Variants in KDM1B observed in about 807,000 individuals in gnomAD.
The protein encoded by KDM1B is lysine-specific histone demethylase 2.
A neutral mutation model predicts 107.4 loss-of-function variants in KDM1B; 63 were observed. The observed-to-expected ratio is 0.59, with a 90% CI of 0.48 to 0.72. The LOEUF (loss-of-function observed/expected upper bound fraction) is 0.72, where lower values mean the gene tolerates loss of function less well. Among genes scored for constraint, KDM1B ranks in the 30% least tolerant of loss-of-function variants. The pLI, the probability that KDM1B is intolerant of heterozygous loss-of-function variation, is 0.00. For synonymous variants in KDM1B, 363 were observed against 363.9 expected (o/e 1.00, Z 0.03); for missense variants, 749 against 1,020.8 (o/e 0.73, Z 3.63).
chr6:18,197,672 G>A lies in KDM1B; in HGVS notation c.1221+11G>A, dbSNP rs375697909. On this transcript the variant is annotated intron_variant, in intron 12 of 21. Transcript: ENST00000650836. This position sits in a 1 kb window ranked among gnomAD's most constrained non-coding sequence, Gnocchi z 4.5. ...AACTTTGGAATTAAGGTAGGATTTT[G>A]GGGACATGGAGTTAGAACAGATGGT... 2.5e-5 allele frequency: 41 copies of A among 1,610,366 alleles called. No homozygotes were observed. The highest frequency in any genetic ancestry group is 3.5e-5 in the Non-Finnish European group (41 of 1,176,940).
In KDM1B at chr6:18,214,583, G is replaced by A. The variant is rs1255466796; in HGVS notation, c.2110-424G>A. Among the ~76,000 whole-genome samples the A allele has an allele frequency of 6.6e-6, 1 of 152,174 alleles. No individual in the cohort carries two copies. Among genetic ancestry groups the A allele is most frequent in the Non-Finnish European group, 1.5e-5 (1 of 68,044 alleles). On this transcript the variant is annotated intron_variant, in intron 19 of 21. Coordinates refer to ENST00000650836, the MANE Select transcript of KDM1B (RefSeq NM_001364614.2). The surrounding 1 kb of genome is among the most constrained non-coding windows in gnomAD (Gnocchi z 4.4). The stretch of plus-strand genomic sequence containing the variant: ...ACTGGCGAGTGACGTGCGGATAAGG[G>A]ACAGCCAGAAATAGTGACATTTAAC...
In KDM1B at chr6:18,211,494, T is replaced by C. The variant is rs1788847533; in HGVS notation, c.1867-994T>C. The C allele has an allele frequency of 6.6e-6, 1 of 152,246 alleles. No individual in the cohort carries two copies. The highest frequency in any genetic ancestry group is 1.5e-5 in the Non-Finnish European group (1 of 68,062). The allele number at this position is 152,246 out of a possible 1,614,324, so 9.4% of individuals were successfully genotyped here. On this transcript the variant is annotated intron_variant, in intron 17 of 21. Coordinates refer to ENST00000650836, the MANE Select transcript of KDM1B (RefSeq NM_001364614.2). This position sits in a 1 kb window ranked among gnomAD's most constrained non-coding sequence, Gnocchi z 5.2. ...TGCTGCCTCTGTTGAGAGCACACAA[T>C]GCTGGAGGTGTTTGGTTCTTCTGCA...
intron 6 of KDM1B, among the ~76,000 whole-genome samples, chr6:18,171,111 C>T (rs1168419590): frequency 1.3e-5 from 2 of 152,196 alleles, no homozygotes; most frequent in Non-Finnish European, 2.9e-5. Flanking sequence ...TGAGCCACTG[C>T]ACCTGGCCTA....
rs757827904 is a variant in KDM1B at position 18,162,096 on chromosome 6, G to A, written c.215+642G>A. ...AGCACTTTGAGAGACCAAGATGGGC[G>A]GATCAGTTGAGGTCAGGAGTTCCAG... On this transcript the variant is annotated intron_variant, in intron 4 of 21. Transcript: ENST00000650836. The surrounding 1 kb of genome is among the most constrained non-coding windows in gnomAD (Gnocchi z 4.1). Among the ~76,000 whole-genome samples, 6 of 152,092 alleles carry A rather than the reference G, an allele frequency of 3.9e-5. No individual in the cohort carries two copies. Among genetic ancestry groups the A allele is most frequent in the Non-Finnish European group, 8.8e-5 (6 of 68,014 alleles).
rs757932316 is a variant in KDM1B, at chr6:18,205,931, G to A, written c.1659+267G>A. 3.9e-5 allele frequency among the ~76,000 whole-genome samples: 6 copies of A among 152,126 alleles called. No individual in the cohort carries two copies. The highest frequency in any genetic ancestry group is 7.3e-5 in the Non-Finnish European group (5 of 68,030). ...CGCTTGAACCTGGGAGGCGGAAGTC[G>A]TAGTGAGCTGGGATCGCGCCACTGC... On this transcript the variant is annotated intron_variant, in intron 15 of 21. Coordinates refer to ENST00000650836, the MANE Select transcript of KDM1B (RefSeq NM_001364614.2). The surrounding 1 kb of genome is among the most constrained non-coding windows in gnomAD (Gnocchi z 5.7).
rs1232714937 is a variant in KDM1B at position 18,155,506 on chromosome 6, G to A, written c.-123G>A. The A allele has an allele frequency of 6.5e-6, 1 of 153,428 alleles. No individual in the cohort carries two copies. Among genetic ancestry groups the A allele is most frequent in the African/African-American group, 2.4e-5 (1 of 41,376 alleles). The allele number at this position is 153,428 out of a possible 1,614,324, so 9.5% of individuals were successfully genotyped here. On this transcript the variant is annotated 5_prime_UTR_variant, in exon 1 of 22. Transcript: ENST00000650836. This position sits in a 1 kb window ranked among gnomAD's most constrained non-coding sequence, Gnocchi z 6.2. Reference sequence around the variant, plus strand: ...GCGGCTGCAGCCGTCCTGTGCGCGCGGCGCGCGGCTCCGGAGAGGCGCCCG... The same window carrying A: ...GCGGCTGCAGCCGTCCTGTGCGCGCAGCGCGCGGCTCCGGAGAGGCGCCCG...
At position 18,162,705 on chromosome 6, in the gene KDM1B, C is replaced by G; in HGVS notation, c.216-130C>G. The G allele has an allele frequency of 1.6e-6, 1 of 620,194 alleles. No individual in the cohort carries two copies. The highest frequency in any genetic ancestry group is 2.6e-5 in the Admixed American group (1 of 38,326). The allele number at this position is 620,194 out of a possible 1,614,324, so 38.4% of individuals were successfully genotyped here. A position where few individuals can be genotyped will look rare whatever the true frequency, so the allele number is the denominator to read the frequency against. ...TACTAGTAATCCATTCCTGTTTCCC[C>G]TGTCCTTAAGGGGCTAAGTGGAGAT... On this transcript the variant is annotated intron_variant, in intron 4 of 21. Transcript: ENST00000650836. This position sits in a 1 kb window ranked among gnomAD's most constrained non-coding sequence, Gnocchi z 4.1.
intron 6 of KDM1B, among the ~76,000 whole-genome samples, chr6:18,169,692 C>T (rs74586189): frequency 0.023 from 3,466 of 151,980 alleles, 58 homozygotes; most frequent in Middle Eastern, 0.051. Context: ...TTGGTGTTAC[C>T]GCTTATAATT....
chr6:18,215,031 G>C lies in KDM1B; in HGVS notation c.2134G>C (p.Val712Leu), dbSNP rs771558626. 3 of 1,614,068 alleles carry C rather than the reference G, an allele frequency of 1.9e-6. No homozygotes were observed. The South Asian group carries it at 3.3e-5, about 18-fold the overall frequency. ...PQKKHSVLMS[V>L]IAGEAVASVR... ...GAAGAAGCACAGCGTGCTGATGTCT[G>C]TGATTGCCGGGGAGGCTGTCGCATC... Residue 712 changes from valine (V) to leucine (L), a missense_variant, in exon 20 of 22, where the codon GTG becomes CTG. By Grantham distance (32) the Val-to-Leu change is conservative (BLOSUM62 1). Coordinates refer to ENST00000650836, the MANE Select transcript of KDM1B (RefSeq NM_001364614.2).
intron 20 of KDM1B, 84 bp downstream of exon 20, chr6:18,215,213 C>A: frequency 6.8e-7 from 1 of 1,463,014 alleles, no homozygotes; most frequent in Non-Finnish European, 9.1e-7. Context: ...GCCAGCGTCA[C>A]TGAGAATCAC....
At chr6:18,210,879 G>A (rs899407985) in intron 17 of KDM1B, among the ~76,000 whole-genome samples, 3 of 152,020 alleles carry the variant, frequency 2.0e-5, no homozygotes, top group African/African-American at 7.2e-5. Flanking sequence ...CACACCCATG[G>A]TCCCAGCTAC....
intron 7 of KDM1B, among the ~76,000 whole-genome samples, chr6:18,178,918 T>C (rs1160174825): frequency 6.6e-6 from 1 of 152,208 alleles, no homozygotes; most frequent in East Asian, 1.9e-4. Context: ...TTTCTTGCCT[T>C]ACTACATTGG....
chr6:18,210,871 C>G (rs1333046507), intron 17 of KDM1B, among the ~76,000 whole-genome samples: 1 of 152,046 alleles, frequency 6.6e-6, no homozygotes, highest in Non-Finnish European at 1.5e-5. Flanking sequence ...TCGTGCTGCA[C>G]ACCCATGGTC....
chr6:18,199,918 G>C (rs1479220332), intron 12 of KDM1B, among the ~76,000 whole-genome samples: 2 of 152,068 alleles, frequency 1.3e-5, no homozygotes, highest in Non-Finnish European at 2.9e-5. Context: ...TCACTCTGTT[G>C]CCCAGGCTGG....
At position 18,167,067 on chromosome 6, in the gene KDM1B, A is replaced by G. The variant is rs1027580396; in HGVS notation, c.417+689A>G. On this transcript the variant is annotated intron_variant, in intron 6 of 21. Transcript: ENST00000650836. The stretch of plus-strand genomic sequence containing the variant: ...TTTTGTAATGTTTAGCTTTTTAAAA[A>G]TTAATTTGGGCCAGGGCTGTGGCTC... Among the ~76,000 whole-genome samples the G allele has an allele frequency of 5.3e-5, 8 of 152,018 alleles. 1 individual carries two copies. The highest frequency in any genetic ancestry group is 2.0e-4 in the Admixed American group (3 of 15,238).
Position 18,223,351 on chromosome 6 carries a change from C to T in KDM1B, c.*1359C>T, listed in dbSNP as rs1789929128. 7.5e-6 allele frequency: 1 copy of T among 134,166 alleles called. No individual in the cohort carries two copies. Among genetic ancestry groups the T allele is most frequent in the Non-Finnish European group, 1.6e-5 (1 of 63,426 alleles). 8.3% of individuals were successfully genotyped at this position (134,166 alleles called of 1,614,324 possible). ...CTCCCCCACCGCCCGCCCCCCGCCCCCCCCAATCAAAGTGTGGTCCCAAAA... is the reference window on the plus strand; with the variant it reads ...CTCCCCCACCGCCCGCCCCCCGCCCTCCCCAATCAAAGTGTGGTCCCAAAA... On this transcript the variant is annotated 3_prime_UTR_variant, in exon 22 of 22. Transcript: ENST00000650836.
In KDM1B at chr6:18,161,449, T is replaced by G. The variant is rs561901696; in HGVS notation, c.210T>G (p.Ser70=). The part of the protein sequence containing the change: ...ATCPVCFASA[S]ERCAKNGYTS... ...GTCCTGTGTGCTTTGCAAGTGCTTCTGAAAGGTCTGTTTAGATGTGTGTCT... is the reference window on the plus strand; with the variant it reads ...GTCCTGTGTGCTTTGCAAGTGCTTCGGAAAGGTCTGTTTAGATGTGTGTCT... Residue 70 remains serine, a synonymous_variant, in exon 4 of 22, where the codon TCT becomes TCG. Transcript: ENST00000650836. The G allele has an allele frequency of 7.4e-6, 12 of 1,614,026 alleles. No homozygotes were observed. Among genetic ancestry groups the G allele is most frequent in the Non-Finnish European group, 9.3e-6 (11 of 1,179,976 alleles).
Position 18,197,501 on chromosome 6 carries a change from G to A in KDM1B, c.1147-86G>A, listed in dbSNP as rs185311923. The A allele has an allele frequency of 2.6e-3, 2,690 of 1,048,210 alleles. 4 individuals carry two copies. Among genetic ancestry groups the A allele is most frequent in the Middle Eastern group, 5.7e-3 (28 of 4,910 alleles). The allele number at this position is 1,048,210 out of a possible 1,614,324, so 64.9% of individuals were successfully genotyped here. On this transcript the variant is annotated intron_variant, in intron 11 of 21. Coordinates refer to ENST00000650836, the MANE Select transcript of KDM1B (RefSeq NM_001364614.2). The surrounding 1 kb of genome is among the most constrained non-coding windows in gnomAD (Gnocchi z 4.5). ...GGACATCAAAGAAATGTAAATGAAC[G>A]AATTTGCTCTGCAGTTCCGGAACAA...
chr6:18,168,432 G>A (rs535772041), intron 6 of KDM1B, among the ~76,000 whole-genome samples: 1 of 152,304 alleles, frequency 6.6e-6, no homozygotes, highest in East Asian at 1.9e-4. Flanking sequence ...TGTAGGATGT[G>A]TCAGTACTTC....
Sources: allele counts gnomAD v4.1 joint callset (sites outside exome capture counted in the v4.1 genomes callset), GRCh38; gene constraint gnomAD v4.1.1; non-coding constraint Gnocchi (gnomAD v3.1); transcripts MANE v1.5; gene names NCBI Gene and HGNC (gene_info 2026-07-23, HGNC 2026-07-21).